HSD17B11: variants seen among roughly 807,000 people sequenced by gnomAD.
The protein encoded by HSD17B11 is hydroxysteroid 17-beta dehydrogenase 11.
HSD17B11 carries 22 observed loss-of-function variants against 27.8 expected under a neutral mutation model. That is an observed-to-expected ratio of 0.79 (90% CI 0.56 to 1.13). The LOEUF (loss-of-function observed/expected upper bound fraction) is 1.13, where lower values mean the gene tolerates loss of function less well. HSD17B11 is among the 50% of genes most tolerant of loss of function. The pLI is 0.00. For missense variants in HSD17B11, 314 were observed against 351.1 expected, an observed-to-expected ratio of 0.89 and a Z score of 0.84; for synonymous variants, 117 against 132.8, an observed-to-expected ratio of 0.88 and a Z score of 0.82.
chr4:87,357,953 T>A (rs1039693876), intron 4 of HSD17B11, among the ~76,000 whole-genome samples: 29 of 91,984 alleles, frequency 3.2e-4, no homozygotes, highest in African/African-American at 1.7e-3. Flanking sequence ...AGAGAAATTT[T>A]TTTTTTTTTT....
chr4:87,388,242 T>C (rs1168508509), intron 1 of HSD17B11, among the ~76,000 whole-genome samples: 4 of 151,866 alleles, frequency 2.6e-5, no homozygotes, highest in Non-Finnish European at 5.9e-5. Context: ...TCAACATGTA[T>C]ACTATATAAA....
In HSD17B11 at chr4:87,337,223, A is replaced by G. The variant is rs975950718; in HGVS notation, c.*53T>C. On this transcript the variant is annotated 3_prime_UTR_variant, in exon 7 of 7. Transcript: ENST00000358290. ...GTTCAAACATTAAAATTCTGGCACT[A>G]TTAGATGACATCAACCTAAACCTGG... The G allele has an allele frequency of 9.5e-7, 1 of 1,047,314 alleles. No homozygotes were observed. Among genetic ancestry groups the G allele is most frequent in the Non-Finnish European group, 1.5e-6 (1 of 667,728 alleles). 64.9% of individuals were successfully genotyped at this position (1,047,314 alleles called of 1,614,324 possible).
At chr4:87,339,081 C>T (rs1341194932) in intron 6 of HSD17B11, among the ~76,000 whole-genome samples, 1 of 152,198 alleles carries the variant, frequency 6.6e-6, no homozygotes, top group East Asian at 1.9e-4. Context: ...TTTGGTGCCT[C>T]TAATGTGTCA....
chr4:87,370,446 T>C (rs140301833), intron 4 of HSD17B11, among the ~76,000 whole-genome samples: 2,490 of 152,040 alleles, frequency 0.016, 54 homozygotes, highest in South Asian at 0.03. Context: ...AGACGAAGTC[T>C]CTCTCTGTTG....
chr4:87,386,905 C>T (rs6840102), intron 1 of HSD17B11: 49,536 of 152,002 alleles, frequency 0.33, 8,703 homozygotes, highest in African/African-American at 0.42. Context: ...CTCCCTGTTG[C>T]GCAGGTTGAG....
chr4:87,374,588 C>A, intron 3 of HSD17B11, 111 bp downstream of exon 3: 2 of 976,502 alleles, frequency 2.0e-6, no homozygotes, highest in South Asian at 1.6e-5. Context: ...ATCCCTGGTG[C>A]CTGGAGAAAA....
chr4:87,338,500 T>C (rs1025279942), intron 6 of HSD17B11, among the ~76,000 whole-genome samples: 2 of 152,168 alleles, frequency 1.3e-5, no homozygotes, highest in Non-Finnish European at 2.9e-5. Context: ...GCATATAACA[T>C]TTATTGAGTA....
At chr4:87,342,966 C>T (rs1248687659) in intron 5 of HSD17B11, among the ~76,000 whole-genome samples, 3 of 152,150 alleles carry the variant, frequency 2.0e-5, no homozygotes, top group Admixed American at 1.3e-4. Context: ...CCTTGAAAAG[C>T]ATTTAGAGGG....
chr4:87,358,779 AT>A (rs1477778990), intron 4 of HSD17B11, among the ~76,000 whole-genome samples: 1 of 152,104 alleles, frequency 6.6e-6, no homozygotes, highest in Non-Finnish European at 1.5e-5. Flanking sequence ...AGCTGTGGAA[AT>A]TTTTTAAAAA....
At chr4:87,338,231 C>A (rs963540888) in intron 6 of HSD17B11, among the ~76,000 whole-genome samples, 29 of 151,986 alleles carry the variant, frequency 1.9e-4, no homozygotes, top group African/African-American at 6.0e-4. Flanking sequence ...AGCACCCCCC[C>A]AAAAAATGTC....
chr4:87,384,932 C>T (rs56156416), intron 1 of HSD17B11, among the ~76,000 whole-genome samples: 51,120 of 151,608 alleles, frequency 0.34, 9,515 homozygotes, highest in African/African-American at 0.47. Flanking sequence ...CATCATGATA[C>T]GTGATGTCAC....
Position 87,357,343 on chromosome 4 carries a change from C to G in HSD17B11, c.631G>C (p.Val211Leu). The G allele has an allele frequency of 3.1e-6, 5 of 1,613,578 alleles. 1 individual carries two copies. In the Middle Eastern group the frequency reaches 6.6e-4, roughly 213 times the overall value. Residue 211 changes from valine to leucine, a missense_variant, in exon 5 of 7, where the codon GTC (valine) becomes CTC (leucine). Transcript: ENST00000358290. ...DELAALQITG[V>L]KTTCLCPNFV... ...TTAGGACACAGACATGTTGTTTTGA[C>G]TCCAGTTATTTGTAAGGCAGCCAGT...
At chr4:87,378,845 AAT>A (rs1485945077) in intron 2 of HSD17B11, among the ~76,000 whole-genome samples, 795 of 18,092 alleles carry the variant, frequency 0.044, 161 homozygotes, top group South Asian at 0.066. Flanking sequence ...TATATATATA[AAT>A]ATATATATAA....
chr4:87,380,481 AAAAAAAAG>A (rs1439778028), intron 2 of HSD17B11, among the ~76,000 whole-genome samples: 289 of 138,736 alleles, frequency 2.1e-3, no homozygotes, highest in Middle Eastern at 3.5e-3. Flanking sequence ...AAAAAAAAAA[AAAAAAAAG>A]AAAAAAGAAA....
intron 1 of HSD17B11, among the ~76,000 whole-genome samples, chr4:87,387,878 A>G (rs1720360570): frequency 1.3e-5 from 2 of 152,142 alleles, no homozygotes; most frequent in African/African-American, 2.4e-5. Context: ...ACCCGGTTCA[A>G]TAGTCCCCAT....
chr4:87,357,998 G>A (rs1389759110), intron 4 of HSD17B11, among the ~76,000 whole-genome samples: 1 of 97,190 alleles, frequency 1.0e-5, no homozygotes, highest in African/African-American at 3.8e-5. Context: ...GTCTTGCTCT[G>A]TCACCCAGGC....
At chr4:87,352,961 G>A (rs1735313054) in intron 5 of HSD17B11, among the ~76,000 whole-genome samples, 1 of 99,580 alleles carries the variant, frequency 1.0e-5, no homozygotes, top group South Asian at 3.1e-4. Context: ...GTGAGGCAAT[G>A]CCTCGCCCTG....
chr4:87,363,776 G>A (rs1329215117), intron 4 of HSD17B11, among the ~76,000 whole-genome samples: 2 of 152,198 alleles, frequency 1.3e-5, no homozygotes, highest in African/African-American at 2.4e-5. Context: ...CTAAGGTTTT[G>A]CACTTTCACA....
chr4:87,383,453 G>A (rs1720224652), intron 1 of HSD17B11, among the ~76,000 whole-genome samples: 1 of 152,166 alleles, frequency 6.6e-6, no homozygotes, highest in Admixed American at 6.5e-5. Flanking sequence ...AAAAAATGTA[G>A]AGGAAAGAAT....
Sources: gnomAD v4.1 joint callset for allele counts (sites outside exome capture counted in the v4.1 genomes callset) on GRCh38, gnomAD v4.1.1 for gene constraint, MANE v1.5 for transcripts, NCBI Gene and HGNC (gene_info 2026-07-23, HGNC 2026-07-21) for gene names.